The following AVEN variants were observed in gnomAD, a reference collection of about 807,000 sequenced individuals.
The protein encoded by AVEN is cell death regulator Aven.
A neutral mutation model predicts 38.1 loss-of-function variants in AVEN; 41 were observed. The observed-to-expected ratio is 1.08, with a 90% CI of 0.84 to 1.40. The LOEUF is 1.40. Ranked by LOEUF, AVEN falls within the 40% of genes most tolerant of loss-of-function variation. AVEN has a pLI of 0.00. For missense variants in AVEN, 605 were observed against 438.8 expected, an observed-to-expected ratio of 1.38 and a Z score of -3.38; for synonymous variants, 206 against 171.8, an observed-to-expected ratio of 1.20 and a Z score of -1.56.
At chr15:33,967,623 A>G (rs1422945191) in intron 2 of AVEN, among the ~76,000 whole-genome samples, 2 of 151,966 alleles carry the variant, frequency 1.3e-5, no homozygotes, top group African/African-American at 2.4e-5. Flanking sequence ...AAATTTAAAA[A>G]CATTATATTG....
chr15:33,870,584 A>C (rs2153034465), intron 4 of AVEN, among the ~76,000 whole-genome samples: 1 of 152,322 alleles, frequency 6.6e-6, no homozygotes, highest in Middle Eastern at 3.4e-3. Flanking sequence ...CAATAGATTA[A>C]GTTCCAGAAA....
intron 1 of AVEN, among the ~76,000 whole-genome samples, chr15:34,005,115 A>G (rs1285136045): frequency 6.6e-6 from 1 of 152,100 alleles, no homozygotes; most frequent in Non-Finnish European, 1.5e-5. Context: ...CAGTACACAT[A>G]CTTCCAGATC....
downstream of AVEN, among the ~76,000 whole-genome samples, chr15:33,863,265 T>C (rs1799984177): frequency 6.6e-6 from 1 of 152,160 alleles, no homozygotes; most frequent in South Asian, 2.1e-4. Flanking sequence ...AGCCCCTACG[T>C]ATCAAACAGG....
At chr15:33,899,690 T>C (rs1484205918) in intron 2 of AVEN, among the ~76,000 whole-genome samples, 1 of 151,912 alleles carries the variant, frequency 6.6e-6, no homozygotes, top group Admixed American at 6.6e-5. Flanking sequence ...ATGGTCTCAG[T>C]CTCTTGACCT....
chr15:34,058,680 G>A (rs527266626), intron 5 of AVEN, among the ~76,000 whole-genome samples: 1 of 151,590 alleles, frequency 6.6e-6, no homozygotes, highest in South Asian at 2.1e-4. Flanking sequence ...CTTTGCTTCT[G>A]CTTTCTTCAG....
intron 4 of AVEN, among the ~76,000 whole-genome samples, chr15:33,870,354 T>C (rs967679704): frequency 1.3e-5 from 2 of 152,130 alleles, no homozygotes; most frequent in African/African-American, 4.8e-5. Flanking sequence ...GGCAGCCCCA[T>C]CGTTTTTATT....
At chr15:33,942,620 T>C (rs1171274718) in intron 2 of AVEN, among the ~76,000 whole-genome samples, 3 of 151,974 alleles carry the variant, frequency 2.0e-5, no homozygotes, top group Non-Finnish European at 4.4e-5. Flanking sequence ...CCGGCTAATA[T>C]TTTTGTATTT....
At chr15:33,983,221 T>TAC (rs776576627) in intron 2 of AVEN, among the ~76,000 whole-genome samples, 10 of 110,892 alleles carry the variant, frequency 9.0e-5, no homozygotes, top group East Asian at 6.0e-4. Flanking sequence ...TATACATATA[T>TAC]ATACACACAC....
At position 34,058,774 on chromosome 15, in the gene AVEN, G is replaced by A. The variant is rs1260145440; in HGVS notation, n.1637+4148C>T. ...CAAAATGAAGAATTGCCTGATTCTAGAATCACAAATAAAGCCAACTGAGAT... is the reference window on the plus strand; with the variant it reads ...CAAAATGAAGAATTGCCTGATTCTAAAATCACAAATAAAGCCAACTGAGAT... On this transcript the variant is annotated intron_variant and non_coding_transcript_variant, in intron 5 of 11. Coordinates refer to the AVEN transcript ENST00000675287. 2.0e-5 allele frequency among the ~76,000 whole-genome samples: 3 copies of A among 152,246 alleles called. No homozygotes were observed. The East Asian group carries it at 5.8e-4, about 29-fold the overall frequency.
At chr15:33,864,925 T>G, downstream of AVEN, 1 of 511,204 alleles carries the variant, frequency 2.0e-6, no homozygotes, top group Non-Finnish European at 3.5e-6. Flanking sequence ...ATTTTTCTCC[T>G]TCCCTGCCAG....
chr15:33,861,960 G>C (rs1319683838), downstream of AVEN, among the ~76,000 whole-genome samples: 12 of 151,928 alleles, frequency 7.9e-5, no homozygotes, highest in Non-Finnish European at 1.8e-4. Context: ...ACAATGCCTG[G>C]CACCCAGTAG....
intron 1 of AVEN, among the ~76,000 whole-genome samples, chr15:34,004,348 C>A (rs1003598285): frequency 1.3e-5 from 2 of 151,978 alleles, no homozygotes; most frequent in Non-Finnish European, 1.5e-5. Context: ...GATAAGGAAC[C>A]CAGTTTCTTC....
rs775509079 is a variant in AVEN, at chr15:34,063,043, T to C, written n.1516A>G. On this transcript the variant is annotated non_coding_transcript_exon_variant, in exon 5 of 12. Coordinates refer to the AVEN transcript ENST00000675287. The surrounding 1 kb of genome is among the most constrained non-coding windows in gnomAD (Gnocchi z 4.1). Reference sequence around the variant, plus strand: ...CTGGCTTGTGACCTTTGGCTTGCACTGGACTACGTGGCCAGCAACGCTTCT... The same window carrying C: ...CTGGCTTGTGACCTTTGGCTTGCACCGGACTACGTGGCCAGCAACGCTTCT... The C allele has an allele frequency of 9.9e-6, 16 of 1,614,142 alleles. No individual in the cohort carries two copies. The highest frequency in any genetic ancestry group is 2.2e-5 in the East Asian group (1 of 44,896).
rs545633496 is a variant in AVEN, at chr15:33,868,961, T to C, written c.613-1106A>G. Reference sequence around the variant, plus strand: ...ATAATCTAAGGCTGAGAATCACCGCTCTCGAGGGAAGGCTCCAGGGATGAG... The same window carrying C: ...ATAATCTAAGGCTGAGAATCACCGCCCTCGAGGGAAGGCTCCAGGGATGAG... On this transcript the variant is annotated intron_variant, in intron 4 of 5. Coordinates refer to ENST00000306730, the MANE Select transcript of AVEN (RefSeq NM_020371.3). Among the ~76,000 whole-genome samples, 7 of 152,300 alleles carry C rather than the reference T, an allele frequency of 4.6e-5. No individual in the cohort carries two copies. In the East Asian group the frequency reaches 1.3e-3, roughly 29 times the overall value.
chr15:33,994,189 G>A (rs576628604), intron 2 of AVEN, among the ~76,000 whole-genome samples: 2 of 152,340 alleles, frequency 1.3e-5, no homozygotes, highest in South Asian at 4.1e-4. Context: ...CCTACTGCTT[G>A]CATTAGTGCC....
intron 2 of AVEN, among the ~76,000 whole-genome samples, chr15:33,901,939 G>C (rs2153043356): frequency 6.6e-6 from 1 of 152,240 alleles, no homozygotes; most frequent in Admixed American, 6.5e-5. Flanking sequence ...TATGTAGTCT[G>C]TGAATACTTT....
chr15:33,855,065 T>G (rs530364995), downstream of AVEN: 2 of 703,058 alleles, frequency 2.8e-6, no homozygotes, highest in African/African-American at 3.7e-5. Flanking sequence ...GTGATTGTTT[T>G]TGCAAAATTG....
chr15:33,984,419 T>G (rs201818659), intron 2 of AVEN, among the ~76,000 whole-genome samples: 1 of 148,234 alleles, frequency 6.7e-6, no homozygotes, highest in Non-Finnish European at 1.5e-5. Flanking sequence ...TTTTTTTTTT[T>G]GAGACAGAGT....
At chr15:34,008,979 C>A (rs1897510052) in intron 1 of AVEN, among the ~76,000 whole-genome samples, 1 of 144,826 alleles carries the variant, frequency 6.9e-6, no homozygotes, top group Non-Finnish European at 1.5e-5. Flanking sequence ...CACACACAGA[C>A]CATCGAGAAA....
Sources: gnomAD v4.1 joint callset for allele counts (sites outside exome capture counted in the v4.1 genomes callset) on GRCh38, gnomAD v4.1.1 for gene constraint, Gnocchi (gnomAD v3.1) non-coding constraint, MANE v1.5 for transcripts, NCBI Gene and HGNC (gene_info 2026-07-23, HGNC 2026-07-21) for gene names.